The following KDM5C variants were observed in gnomAD, a reference collection of about 807,000 sequenced individuals.
KDM5C encodes the protein lysine demethylase 5C.
KDM5C carries 16 observed loss-of-function variants against 110.6 expected under a neutral mutation model. The observed-to-expected ratio is 0.14, with a 90% CI of 0.10 to 0.22. The LOEUF (loss-of-function observed/expected upper bound fraction) is 0.22, where lower values mean the gene tolerates loss of function less well. Ranked by LOEUF, KDM5C falls within the 10% of genes least tolerant of loss-of-function variation. The pLI, the probability that KDM5C is intolerant of heterozygous loss-of-function variation, is 1.00. For synonymous variants in KDM5C, 511 were observed against 520.4 expected (o/e 0.98, Z 0.24); for missense variants, 681 against 1,300.9 (o/e 0.52, Z 7.33).
intron 12 of KDM5C, among the ~76,000 whole-genome samples, chrX:53,209,714 A>G (rs2073499878): frequency 8.9e-6 from 1 of 111,953 alleles, no homozygotes; most frequent in Admixed American, 9.5e-5. Flanking sequence ...CCACACCAGA[A>G]AACTGGCTGA....
chrX:53,192,872 C>A lies in KDM5C; in HGVS notation c.*95G>T. 3 of 810,308 alleles carry A rather than the reference C, an allele frequency of 3.7e-6. No individual in the cohort carries two copies. Among genetic ancestry groups the A allele is most frequent in the African/African-American group, 2.2e-5 (1 of 44,925 alleles). 66.8% of individuals were successfully genotyped at this position (810,308 alleles called of 1,213,427 possible). On this transcript the variant is annotated 3_prime_UTR_variant, in exon 26 of 26. Coordinates refer to ENST00000375401, the MANE Select transcript of KDM5C (RefSeq NM_004187.5). Reference sequence around the variant, plus strand: ...TAGCAGGGATGGCCACCCCCCTACCCGCCCACCCCCCAAGAAGCAGGCTTG... The same window carrying A: ...TAGCAGGGATGGCCACCCCCCTACCAGCCCACCCCCCAAGAAGCAGGCTTG...
Position 53,218,524 on chromosome X carries a change from A to G in KDM5C, c.229-126T>C, listed in dbSNP as rs782744961. 6.2e-6 allele frequency: 5 copies of G among 803,575 alleles called. No homozygotes were observed. The East Asian group carries it at 9.8e-5, about 16-fold the overall frequency. 66.2% of individuals were successfully genotyped at this position (803,575 alleles called of 1,213,427 possible). On this transcript the variant is annotated intron_variant, in intron 2 of 25. Transcript: ENST00000375401. ...CTTTCACTACCCAGGGTTTCTCCCAATGAACCGGATCCCAGACTCTAGGCA... is the reference window on the plus strand; with the variant it reads ...CTTTCACTACCCAGGGTTTCTCCCAGTGAACCGGATCCCAGACTCTAGGCA...
chrX:53,178,087 G>A (rs191209467), intron 25 of KDM5C, among the ~76,000 whole-genome samples: 1 of 111,712 alleles, frequency 9.0e-6, no homozygotes, highest in East Asian at 2.8e-4. Context: ...GAACTCCTGG[G>A]CTCAAGCGAT....
chrX:53,221,863 C>G, intron 1 of KDM5C: 1 of 504,555 alleles, frequency 2.0e-6, no homozygotes. Flanking sequence ...GGGAGACACT[C>G]TGCTCTGCCA....
intron 21 of KDM5C, 33 bp downstream of exon 21, chrX:53,195,196 TAA>T: frequency 8.4e-7 from 1 of 1,185,141 alleles, no homozygotes; most frequent in Non-Finnish European, 1.1e-6. Context: ...GGGCAGGCGT[TAA>T]GAGACGCTGT....
intron 1 of KDM5C, among the ~76,000 whole-genome samples, chrX:53,224,440 A>G (rs1314806229): frequency 4.5e-5 from 5 of 111,796 alleles, no homozygotes; most frequent in Non-Finnish European, 9.4e-5. Flanking sequence ...CCGGGCTAAG[A>G]GATGTGCGGG....
chrX:53,183,615 C>T lies in KDM5C; in HGVS notation c.4309-6993G>A, dbSNP rs782288976. Among the ~76,000 whole-genome samples, 35 of 105,468 alleles carry T rather than the reference C, an allele frequency of 3.3e-4. No individual in the cohort carries two copies. In the Admixed American group the frequency reaches 3.3e-3, roughly 10 times the overall value. The allele number at this position is 105,468 out of a possible 115,157, so 91.6% of individuals were successfully genotyped here. On this transcript the variant is annotated intron_variant, in intron 25 of 25. Coordinates refer to the KDM5C transcript ENST00000685641. ...ACGGAGTCTTGCTCTGTCACCCAGG[C>T]TGGAGTGCAGTGGCGCGATCTCAGC...
intron 10 of KDM5C, 141 bp from the exon 11 acceptor site, chrX:53,210,998 C>T: frequency 1.9e-6 from 1 of 531,464 alleles, no homozygotes; most frequent in Non-Finnish European, 3.3e-6. Context: ...TATAGGTTTT[C>T]TCCCTACCTC....
Position 53,192,888 on chromosome X carries a change from A to G in KDM5C, c.*79T>C. 1.6e-6 allele frequency: 1 copy of G among 623,017 alleles called. No homozygotes were observed. The highest frequency in any genetic ancestry group is 2.2e-6 in the Non-Finnish European group (1 of 447,428). 51.3% of individuals were successfully genotyped at this position (623,017 alleles called of 1,213,427 possible). ...CCCCCTACCCGCCCACCCCCCAAGA[A>G]GCAGGCTTGATGGTCAGAAAGAGGA... On this transcript the variant is annotated 3_prime_UTR_variant, in exon 26 of 26. Coordinates refer to ENST00000375401, the MANE Select transcript of KDM5C (RefSeq NM_004187.5).
chrX:53,217,425 C>T, intron 4 of KDM5C, 148 bp from the exon 5 acceptor site: 1 of 667,092 alleles, frequency 1.5e-6, no homozygotes, highest in Non-Finnish European at 2.3e-6. Context: ...GTCTTTAGCA[C>T]TGACACCAGC....
intron 12 of KDM5C, among the ~76,000 whole-genome samples, chrX:53,205,087 G>C (rs1292493444): frequency 8.9e-6 from 1 of 112,099 alleles, no homozygotes; most frequent in Non-Finnish European, 1.9e-5. Context: ...GTACAGAATG[G>C]AAGTAGCCAT....
At chrX:53,217,662 GA>G in intron 4 of KDM5C, 133 bp downstream of exon 4, 1 of 679,877 alleles carries the variant, frequency 1.5e-6, no homozygotes, top group Non-Finnish European at 2.3e-6. Flanking sequence ...TGTAGAAAGA[GA>G]ATAAGCATCA....
intron 12 of KDM5C, among the ~76,000 whole-genome samples, chrX:53,203,906 A>C (rs1556843711): frequency 9.0e-6 from 1 of 110,648 alleles, no homozygotes; most frequent in Non-Finnish European, 1.9e-5. Context: ...AGCTGGGATT[A>C]CAGGCACACG....
chrX:53,193,925 C>G (rs1272388432), intron 23 of KDM5C, 74 bp from the exon 24 acceptor site: 1 of 1,044,570 alleles, frequency 9.6e-7, no homozygotes, highest in Non-Finnish European at 1.3e-6. Context: ...CCGCCAACCC[C>G]AAACTTGAGA....
At chrX:53,207,178 CAAAAAAAAA>C (rs56948247) in intron 12 of KDM5C, among the ~76,000 whole-genome samples, 11 of 40,301 alleles carry the variant, frequency 2.7e-4, no homozygotes, top group Admixed American at 8.0e-4. Context: ...ACTCCTTCTC[CAAAAAAAAA>C]AAAAAAAAAA....
At chrX:53,214,968 C>A in intron 7 of KDM5C, 121 bp from the exon 8 acceptor site, 1 of 730,768 alleles carries the variant, frequency 1.4e-6, no homozygotes, top group South Asian at 2.3e-5. Context: ...ACGTATGTAC[C>A]ATCTCCCCAA....
downstream of KDM5C, chrX:53,191,217 T>C (rs1556830237): frequency 5.9e-6 from 1 of 169,040 alleles, no homozygotes; most frequent in Non-Finnish European, 1.1e-5. Flanking sequence ...AGCACCCTCA[T>C]CTTAAAGACT....
At chrX:53,212,425 C>G (rs782228790) in intron 8 of KDM5C, 5 of 119,218 alleles carry the variant, frequency 4.2e-5, no homozygotes, top group African/African-American at 1.7e-4. Flanking sequence ...CCTGCCTCAG[C>G]TTCCCGAGTA....
chrX:53,211,729 A>G, intron 9 of KDM5C, 58 bp downstream of exon 9: 1 of 1,209,404 alleles, frequency 8.3e-7, no homozygotes, highest in Middle Eastern at 2.3e-4. Flanking sequence ...AGCTGAGACC[A>G]TCTGGCATCA....
Sources: allele counts gnomAD v4.1 joint callset (sites outside exome capture counted in the v4.1 genomes callset), GRCh38; gene constraint gnomAD v4.1.1; transcripts MANE v1.5; gene names NCBI Gene and HGNC (gene_info 2026-07-23, HGNC 2026-07-21).